TMEM236: variants seen among roughly 807,000 people sequenced by gnomAD.
TMEM236 encodes the protein family with sequence similarity 23, member A.
Under a neutral mutation model 14.7 loss-of-function variants are expected in TMEM236, and 11 were observed. The ratio of observed to expected loss-of-function variants is 0.75; its 90% confidence interval spans 0.47 to 1.24. The LOEUF is 1.24. Among genes scored for constraint, TMEM236 ranks in the 50% most tolerant of loss-of-function variants. The pLI is 0.00. For missense variants in TMEM236, 464 were observed against 427.3 expected (o/e 1.09, Z -0.76); for synonymous variants, 182 against 168.6 (o/e 1.08, Z -0.62).
chr10:17,795,717 C>T (rs1554836327), intron 3 of TMEM236, among the ~76,000 whole-genome samples: 4 of 152,062 alleles, frequency 2.6e-5, no homozygotes, highest in Non-Finnish European at 5.9e-5. Context: ...CAGCACGCCA[C>T]CATGGCACAC....
chr10:17,758,400 A>G (rs1837311989), intron 1 of TMEM236, among the ~76,000 whole-genome samples: 1 of 152,194 alleles, frequency 6.6e-6, no homozygotes, highest in Non-Finnish European at 1.5e-5. Context: ...CAGTCAGTAA[A>G]TGGTGTGCCC....
chr10:17,786,788 G>T (rs1193837233), intron 3 of TMEM236, among the ~76,000 whole-genome samples: 3 of 152,162 alleles, frequency 2.0e-5, no homozygotes, highest in African/African-American at 7.2e-5. Flanking sequence ...AACTTGAATT[G>T]TATCTCCCAG....
At chr10:17,788,205 CAT>C (rs1261111204) in intron 3 of TMEM236, among the ~76,000 whole-genome samples, 9 of 150,290 alleles carry the variant, frequency 6.0e-5, no homozygotes, top group African/African-American at 1.9e-4. Flanking sequence ...TTATAAGTAA[CAT>C]AAATAATATA....
intron 1 of TMEM236, among the ~76,000 whole-genome samples, chr10:17,762,203 T>G (rs1222586375): frequency 7.9e-5 from 12 of 152,294 alleles, no homozygotes; most frequent in Middle Eastern, 3.4e-3. Context: ...GTGGCATCAT[T>G]CTGCCATCTC....
At chr10:17,775,002 A>C (rs1032217570) in intron 2 of TMEM236, among the ~76,000 whole-genome samples, 1 of 151,830 alleles carries the variant, frequency 6.6e-6, no homozygotes, top group Non-Finnish European at 1.5e-5. Flanking sequence ...GGTTTCACCA[A>C]GTTGGCCAGG....
chr10:17,779,728 C>T (rs1223319936), intron 3 of TMEM236, among the ~76,000 whole-genome samples: 1 of 152,076 alleles, frequency 6.6e-6, no homozygotes, highest in Non-Finnish European at 1.5e-5. Flanking sequence ...CTGTTTTAAA[C>T]CAGACCCACA....
At chr10:17,783,342 G>T (rs1300052951) in intron 3 of TMEM236, among the ~76,000 whole-genome samples, 72 of 152,304 alleles carry the variant, frequency 4.7e-4, no homozygotes, top group Non-Finnish European at 8.8e-5. Flanking sequence ...GCATTAGGGA[G>T]AGCCGCATGG....
At chr10:17,758,227 T>G (rs1333884270) in intron 1 of TMEM236, among the ~76,000 whole-genome samples, 16 of 152,230 alleles carry the variant, frequency 1.1e-4, no homozygotes, top group Admixed American at 1.0e-3. Context: ...ATTGAGCATA[T>G]GAATTATTTT....
chr10:17,780,863 G>C (rs1837736271), intron 3 of TMEM236, among the ~76,000 whole-genome samples: 1 of 152,220 alleles, frequency 6.6e-6, no homozygotes, highest in African/African-American at 2.4e-5. Context: ...AGCCATGACA[G>C]AGTGCACCGG....
intron 3 of TMEM236, among the ~76,000 whole-genome samples, chr10:17,780,063 G>T (rs1278641957): frequency 2.0e-5 from 3 of 152,184 alleles, no homozygotes; most frequent in African/African-American, 7.2e-5. Flanking sequence ...CAGCCTTTTA[G>T]CCCTTAGAGT....
chr10:17,791,348 T>C (rs1837921728), intron 3 of TMEM236, among the ~76,000 whole-genome samples: 1 of 150,748 alleles, frequency 6.6e-6, no homozygotes, highest in Non-Finnish European at 1.5e-5. Context: ...GTCCCAGCTA[T>C]TTGGGAGGCT....
Position 17,752,450 on chromosome 10 carries a change from C to T in TMEM236, c.155C>T (p.Ser52Phe), listed in dbSNP as rs914778000. The T allele has an allele frequency of 6.3e-5, 102 of 1,613,852 alleles. No individual in the cohort carries two copies. The highest frequency in any genetic ancestry group is 8.3e-5 in the Non-Finnish European group (98 of 1,179,858). ...AACACACACTACTGGCTGATCATCT[C>T]CTGTTCTATTGCCTATGTTGCGTTA... ...SDNTHYWLIISCSIAYVALVT... is the reference protein window; with the variant it reads ...SDNTHYWLIIFCSIAYVALVT... Residue 52 changes from serine to phenylalanine, a missense_variant, in exon 1 of 4, where the codon TCC (serine) becomes TTC (phenylalanine). Physicochemically the swap from Ser to Phe is radical, Grantham distance 155. Transcript: ENST00000377495.
chr10:17,778,306 T>C lies in TMEM236; in HGVS notation c.472+2136T>C, dbSNP rs1007425787. On this transcript the variant is annotated intron_variant, in intron 3 of 3. Transcript: ENST00000377495. ...GTCACTTGAAATGCCTTTGTAAATATGAATCATACATGCTTTTAATTTGTA... is the reference window on the plus strand; with the variant it reads ...GTCACTTGAAATGCCTTTGTAAATACGAATCATACATGCTTTTAATTTGTA... Among the ~76,000 whole-genome samples the C allele has an allele frequency of 4.1e-3, 623 of 152,348 alleles. 5 individuals carry two copies. Among genetic ancestry groups the C allele is most frequent in the African/African-American group, 0.014 (590 of 41,588 alleles).
At chr10:17,762,225 A>T (rs1294814627) in intron 1 of TMEM236, among the ~76,000 whole-genome samples, 1 of 152,078 alleles carries the variant, frequency 6.6e-6, no homozygotes, top group African/African-American at 2.4e-5. Context: ...ACCACGCCAC[A>T]TCTCAGTCTG....
intron 1 of TMEM236, among the ~76,000 whole-genome samples, chr10:17,764,447 C>A (rs1199039496): frequency 6.6e-6 from 1 of 152,202 alleles, no homozygotes; most frequent in Admixed American, 6.5e-5. Context: ...AACTTGCATT[C>A]TTTGCAGCAT....
At chr10:17,784,668 A>C (rs1837805156) in intron 3 of TMEM236, among the ~76,000 whole-genome samples, 1 of 152,186 alleles carries the variant, frequency 6.6e-6, no homozygotes, top group Admixed American at 6.5e-5. Flanking sequence ...AGTGATTCCC[A>C]GGTGATTCAC....
chr10:17,795,351 G>A (rs1160557353), intron 3 of TMEM236, among the ~76,000 whole-genome samples: 4 of 152,236 alleles, frequency 2.6e-5, no homozygotes, highest in African/African-American at 7.2e-5. Context: ...GAATATTGGC[G>A]TTCTTTAACC....
chr10:17,767,322 G>A (rs573639958), intron 1 of TMEM236, among the ~76,000 whole-genome samples: 190 of 152,226 alleles, frequency 1.2e-3, no homozygotes, highest in African/African-American at 3.9e-3. Context: ...TTAGCCAGGC[G>A]TGGTGGCATG....
chr10:17,769,805 G>C (rs1289095948), intron 1 of TMEM236, among the ~76,000 whole-genome samples: 1 of 152,140 alleles, frequency 6.6e-6, no homozygotes, highest in Non-Finnish European at 1.5e-5. Flanking sequence ...GCGCCAAAGA[G>C]AAATTGTTCT....
Sources: allele counts gnomAD v4.1 joint callset (sites outside exome capture counted in the v4.1 genomes callset), GRCh38; gene constraint gnomAD v4.1.1; transcripts MANE v1.5; gene names NCBI Gene and HGNC (gene_info 2026-07-23, HGNC 2026-07-21).